The following RHD variants were observed in gnomAD, a reference collection of about 807,000 sequenced individuals.
The protein encoded by RHD is blood group Rh(D) polypeptide.
A neutral mutation model predicts 45.5 loss-of-function variants in RHD; 16 were observed. That is an observed-to-expected ratio of 0.35 (90% CI 0.24 to 0.53). RHD has a LOEUF of 0.53. RHD is among the 20% of genes least tolerant of loss of function. The pLI is 0.92. For missense variants in RHD, 306 were observed against 532.0 expected (o/e 0.58, Z 4.18); for synonymous variants, 131 against 217.5 (o/e 0.60, Z 3.50).
At chr1:25,306,886 C>T in intron 7 of RHD, 157 bp downstream of exon 7, 1 of 800,008 alleles carries the variant, frequency 1.2e-6, no homozygotes, top group East Asian at 2.5e-5. Flanking sequence ...AAATTCTGTC[C>T]AGCCCCTACC....
In RHD at chr1:25,299,604, G is replaced by A. The variant is rs1643223244; in HGVS notation, c.487-1342G>A. Reference sequence around the variant, plus strand: ...CTAGTGGGTTTGAGGATGAGCAAGTGGAGGAGGGCAATAGGAGGTGACGCC... The same window carrying A: ...CTAGTGGGTTTGAGGATGAGCAAGTAGAGGAGGGCAATAGGAGGTGACGCC... On this transcript the variant is annotated intron_variant, in intron 3 of 9. Transcript: ENST00000328664. Among the ~76,000 whole-genome samples, 5 of 128,868 alleles carry A rather than the reference G, an allele frequency of 3.9e-5. 2 individuals carry two copies. The South Asian group carries it at 1.2e-3, about 31-fold the overall frequency. 84.5% of individuals were successfully genotyped at this position (128,868 alleles called of 152,430 possible). A position where few individuals can be genotyped will look rare whatever the true frequency, so the allele number is the denominator to read the frequency against.
rs1457565642 is a variant in RHD at position 25,296,333 on chromosome 1, G to A, written c.487-4613G>A. Among the ~76,000 whole-genome samples, 5 of 120,186 alleles carry A rather than the reference G, an allele frequency of 4.2e-5. No individual in the cohort carries two copies. The East Asian group carries it at 8.2e-4, about 20-fold the overall frequency. The allele number at this position is 120,186 out of a possible 152,430, so 78.8% of individuals were successfully genotyped here. ...GTGATCTCGGCTCACTGCAACCTCC[G>A]CCTCCTGGATTCAAGCAATTCTTGT... is the stretch of plus-strand genomic sequence containing the variant. On this transcript the variant is annotated intron_variant, in intron 3 of 9. Transcript: ENST00000328664.
intron 7 of RHD, chr1:25,306,984 A>T: frequency 2.3e-6 from 1 of 436,076 alleles, no homozygotes; most frequent in Non-Finnish European, 4.7e-6. Flanking sequence ...ATCTTTTGTG[A>T]TCCCACAAAC....
At position 25,300,800 on chromosome 1, in the gene RHD, G is replaced by T. The variant is rs1571666037; in HGVS notation, c.487-146G>T. 3 of 931,800 alleles carry T rather than the reference G, an allele frequency of 3.2e-6. 1 individual carries two copies. In the South Asian group the frequency reaches 4.0e-5, roughly 13 times the overall value. The allele number at this position is 931,800 out of a possible 1,614,324, so 57.7% of individuals were successfully genotyped here. On this transcript the variant is annotated intron_variant, in intron 3 of 9. Transcript: ENST00000328664. The stretch of plus-strand genomic sequence containing the variant: ...CTCCAGCCTGGGCAGAGCCTGCTGG[G>T]TTGGGCTGGGTAAGCTCTGAACACC...
At chr1:25,275,539 G>A (rs1640890536) in intron 1 of RHD, among the ~76,000 whole-genome samples, 1 of 131,626 alleles carries the variant, frequency 7.6e-6, no homozygotes, top group South Asian at 2.3e-4. Flanking sequence ...CATTCTGATG[G>A]TGTACACACG....
chr1:25,291,149 C>CAGAT lies in RHD; in HGVS notation c.486+370_486+373dup, dbSNP rs1306474266. ...CTAAATAAATAGGTAGGTGGATAGA[C>CAGAT]AGATAGATAGATAGACAGACAGACA... On this transcript the variant is annotated intron_variant, in intron 3 of 9. Coordinates refer to ENST00000328664, the MANE Select transcript of RHD (RefSeq NM_016124.6). Among the ~76,000 whole-genome samples, 10 of 123,446 alleles carry CAGAT rather than the reference C, an allele frequency of 8.1e-5. 3 individuals are homozygous for CAGAT. Among genetic ancestry groups the CAGAT allele is most frequent in the Non-Finnish European group, 1.3e-4 (7 of 54,580 alleles). The allele number at this position is 123,446 out of a possible 152,430, so 81.0% of individuals were successfully genotyped here.
At position 25,274,255 on chromosome 1, in the gene RHD, A is replaced by G. The variant is rs1432547826; in HGVS notation, c.148+1560A>G. ...CATATGGATGTTGAGTAATTTGCCC[A>G]CGGTCGCTCAGCTAGCAATAGCACA... On this transcript the variant is annotated intron_variant, in intron 1 of 9. Coordinates refer to ENST00000328664, the MANE Select transcript of RHD (RefSeq NM_016124.6). 2.3e-5 allele frequency among the ~76,000 whole-genome samples: 3 copies of G among 132,050 alleles called. 1 individual carries two copies. The highest frequency in any genetic ancestry group is 5.4e-5 in the Non-Finnish European group (3 of 55,728). The allele number at this position is 132,050 out of a possible 152,430, so 86.6% of individuals were successfully genotyped here.
chr1:25,321,453 G>C (rs1644696168), intron 8 of RHD, among the ~76,000 whole-genome samples: 1 of 119,330 alleles, frequency 8.4e-6, no homozygotes, highest in African/African-American at 2.8e-5. Context: ...CTGAGGTCGG[G>C]AGTTCGAGAC....
chr1:25,284,995 C>T (rs191408707), intron 2 of RHD, among the ~76,000 whole-genome samples: 5 of 135,144 alleles, frequency 3.7e-5, no homozygotes, highest in Non-Finnish European at 8.8e-5. Context: ...GGCCTACATT[C>T]CTCCTGCATC....
rs1557534515 is a variant in RHD at position 25,295,858 on chromosome 1, T to TTTTTTTG, written c.486+5073_486+5074insGTTTTTT. 4.3e-4 allele frequency among the ~76,000 whole-genome samples: 36 copies of TTTTTTTG among 84,194 alleles called. 4 individuals are homozygous for TTTTTTTG. The highest frequency in any genetic ancestry group is 1.2e-3 in the African/African-American group (29 of 25,072). The allele number at this position is 84,194 out of a possible 152,430, so 55.2% of individuals were successfully genotyped here. A position where few individuals can be genotyped will look rare whatever the true frequency, so the allele number is the denominator to read the frequency against. ...GGGAGGGAATATGGGAAATTTTTTT[T>TTTTTTTG]TTTTTTTTTTTTTTTTTTTTTGAGA... On this transcript the variant is annotated intron_variant, in intron 3 of 9. Coordinates refer to ENST00000328664, the MANE Select transcript of RHD (RefSeq NM_016124.6).
At position 25,297,375 on chromosome 1, in the gene RHD, T is replaced by A. The variant is rs542242795; in HGVS notation, c.487-3571T>A. ...GTTAACTGTGATCATTGGGTTAAGA[T>A]GGTACCTGCCAGGATCTTCCACTGC... On this transcript the variant is annotated intron_variant, in intron 3 of 9. Coordinates refer to ENST00000328664, the MANE Select transcript of RHD (RefSeq NM_016124.6). Among the ~76,000 whole-genome samples the A allele has an allele frequency of 1.8e-3, 180 of 100,340 alleles. 10 individuals are homozygous for A. Among genetic ancestry groups the A allele is most frequent in the African/African-American group, 5.0e-3 (150 of 29,928 alleles). 65.8% of individuals were successfully genotyped at this position (100,340 alleles called of 152,430 possible). A position where few individuals can be genotyped will look rare whatever the true frequency, so the allele number is the denominator to read the frequency against.
rs1315170898 is a variant in RHD, at chr1:25,300,894, G to A, written c.487-52G>A. 10 of 1,364,662 alleles carry A rather than the reference G, an allele frequency of 7.3e-6. 2 individuals carry two copies. Among genetic ancestry groups the A allele is most frequent in the Non-Finnish European group, 1.0e-5 (10 of 970,222 alleles). The allele number at this position is 1,364,662 out of a possible 1,614,324, so 84.5% of individuals were successfully genotyped here. ...CTTTCTCCAAGGACTATCAGGGCTT[G>A]CCCCGGGCAGAGGATGCCGACACTC... is the stretch of plus-strand genomic sequence containing the variant. On this transcript the variant is annotated intron_variant, in intron 3 of 9. Transcript: ENST00000328664.
Position 25,312,920 on chromosome 1 carries a change from TAAAAAAAAAAAAAAAAAAAA to T in RHD, c.1074-4064_1074-4045del, listed in dbSNP as rs58027687. 1.0e-3 allele frequency among the ~76,000 whole-genome samples: 7 copies of T among 6,856 alleles called. 1 individual carries two copies. Among genetic ancestry groups the T allele is most frequent in the East Asian group, 8.8e-3 (2 of 228 alleles). The allele number at this position is 6,856 out of a possible 152,430, so 4.5% of individuals were successfully genotyped here. On this transcript the variant is annotated intron_variant, in intron 7 of 9. Transcript: ENST00000328664. ...GGATGATAGAGCAAAATCCCATCTC[TAAAAAAAAAAAAAAAAAAAA>T]AAAAAAAAAAAAAAACTTTAGTGCT... is the stretch of plus-strand genomic sequence containing the variant.
rs1203282333 is a variant in RHD at position 25,283,560 on chromosome 1, C to A, written c.149-1013C>A. ...TAAAAAAAAAAATCTTAGCTCTACCCACCGGGGCAAGTTACGTAACGCCTC... is the reference window on the plus strand; with the variant it reads ...TAAAAAAAAAAATCTTAGCTCTACCAACCGGGGCAAGTTACGTAACGCCTC... On this transcript the variant is annotated intron_variant, in intron 1 of 9. Transcript: ENST00000328664. Among the ~76,000 whole-genome samples the A allele has an allele frequency of 1.1e-4, 15 of 131,456 alleles. 5 individuals are homozygous for A. Among genetic ancestry groups the A allele is most frequent in the African/African-American group, 4.0e-4 (15 of 37,970 alleles). The allele number at this position is 131,456 out of a possible 152,430, so 86.2% of individuals were successfully genotyped here. A position where few individuals can be genotyped will look rare whatever the true frequency, so the allele number is the denominator to read the frequency against.
intron 9 of RHD, among the ~76,000 whole-genome samples, 154 bp downstream of exon 9, chr1:25,322,116 T>C (rs535153489): frequency 1.5e-5 from 2 of 131,204 alleles, no homozygotes; most frequent in African/African-American, 5.2e-5. Context: ...AACAAATCCA[T>C]GATATGCATG....
chr1:25,278,968 C>T (rs1375269504), intron 1 of RHD, among the ~76,000 whole-genome samples: 1 of 129,254 alleles, frequency 7.7e-6, no homozygotes, highest in East Asian at 2.0e-4. Flanking sequence ...AACCCTAGAG[C>T]CTGGGAGAGT....
chr1:25,307,714 G>A (rs2257611), intron 7 of RHD: 317,683 of 1,307,080 alleles, frequency 0.24, 102,502 homozygotes, highest in Admixed American at 0.31. Context: ...GCGTTTGGAC[G>A]TGTCTCAGAG....
intron 3 of RHD, among the ~76,000 whole-genome samples, chr1:25,295,844 T>G (rs1571645570): frequency 1.0e-5 from 1 of 100,388 alleles, no homozygotes. Flanking sequence ...GGAGGGAATA[T>G]GGGAAATTTT....
intron 7 of RHD, 50 bp downstream of exon 7, chr1:25,306,779 A>T (rs1272229052): frequency 7.4e-7 from 1 of 1,355,050 alleles, no homozygotes; most frequent in East Asian, 2.2e-5. Context: ...CCTCCAACTC[A>T]GGAAGAAATG....
Sources: gnomAD v4.1 joint callset for allele counts (sites outside exome capture counted in the v4.1 genomes callset) on GRCh38, gnomAD v4.1.1 for gene constraint, MANE v1.5 for transcripts, NCBI Gene and HGNC (gene_info 2026-07-23, HGNC 2026-07-21) for gene names.